The following UGT1A8 variants were observed in gnomAD, a reference collection of about 807,000 sequenced individuals.
The protein encoded by UGT1A8 is UDP-glucuronosyltransferase 1A8.
UGT1A8 carries 39 observed loss-of-function variants against 45.3 expected under a neutral mutation model. That is an observed-to-expected ratio of 0.86 (90% CI 0.67 to 1.12). UGT1A8 has a LOEUF of 1.12. Ranked by LOEUF, UGT1A8 falls within the 50% of genes most tolerant of loss-of-function variation. UGT1A8 has a pLI of 0.00. For synonymous variants in UGT1A8, 275 were observed against 249.2 expected (o/e 1.10, Z -0.97); for missense variants, 719 against 664.9 (o/e 1.08, Z -0.90).
intron 1 of UGT1A8, among the ~76,000 whole-genome samples, chr2:233,710,483 T>A (rs375891523): frequency 3.9e-5 from 6 of 152,358 alleles, no homozygotes; most frequent in South Asian, 4.1e-4. Flanking sequence ...AGAATTTCAT[T>A]GGGTTTGAAT....
chr2:233,622,992 C>A (rs1204886495), intron 1 of UGT1A8, among the ~76,000 whole-genome samples: 1 of 152,072 alleles, frequency 6.6e-6, no homozygotes, highest in Non-Finnish European at 1.5e-5. Flanking sequence ...AATATTTTCC[C>A]CATTTCTTGT....
intron 1 of UGT1A8, among the ~76,000 whole-genome samples, chr2:233,641,166 A>G (rs763525009): frequency 6.6e-6 from 1 of 152,072 alleles, no homozygotes; most frequent in East Asian, 1.9e-4. Flanking sequence ...CTTGCTGACT[A>G]TCTTGCAACA....
At chr2:233,718,834 T>A in intron 1 of UGT1A8, 1 of 1,613,600 alleles carries the variant, frequency 6.2e-7, no homozygotes, top group Non-Finnish European at 8.5e-7. Context: ...GCCAGAGGAC[T>A]CCAGGTTCCC....
chr2:233,696,498 G>A (rs1420763959), intron 1 of UGT1A8, among the ~76,000 whole-genome samples: 3 of 152,050 alleles, frequency 2.0e-5, no homozygotes, highest in Non-Finnish European at 4.4e-5. Context: ...TACCGAATTT[G>A]CTTGTCAGTT....
At chr2:233,630,872 C>T (rs569698887) in intron 1 of UGT1A8, among the ~76,000 whole-genome samples, 8 of 147,616 alleles carry the variant, frequency 5.4e-5, no homozygotes, top group African/African-American at 2.0e-4. Flanking sequence ...TTCTAGGATA[C>T]ATGTGCAGAA....
chr2:233,755,312 G>C (rs976147893), intron 1 of UGT1A8: 6 of 551,356 alleles, frequency 1.1e-5, no homozygotes, highest in Middle Eastern at 4.3e-4. Flanking sequence ...CACAGCGAGC[G>C]GCAAGGCTGC....
chr2:233,682,042 G>T, intron 1 of UGT1A8: 1 of 1,614,092 alleles, frequency 6.2e-7, no homozygotes. Flanking sequence ...CCATGGATGG[G>T]AGCCACTGGT....
At chr2:233,678,770 T>C (rs571167260) in intron 1 of UGT1A8, among the ~76,000 whole-genome samples, 1 of 152,318 alleles carries the variant, frequency 6.6e-6, no homozygotes, top group African/African-American at 2.4e-5. Flanking sequence ...GGTCATCTAT[T>C]GATTCCCTGA....
At chr2:233,737,942 T>G (rs866502344) in intron 1 of UGT1A8, among the ~76,000 whole-genome samples, 1 of 152,150 alleles carries the variant, frequency 6.6e-6, no homozygotes, top group Non-Finnish European at 1.5e-5. Flanking sequence ...GTCCATTGAC[T>G]GTTTCCCAAC....
intron 1 of UGT1A8, chr2:233,760,695 C>T: frequency 1.9e-6 from 3 of 1,614,208 alleles, no homozygotes; most frequent in Non-Finnish European, 2.5e-6. Context: ...ACAAGGAGCT[C>T]ATGGCCTCCC....
chr2:233,695,370 C>G (rs1420827088), intron 1 of UGT1A8, among the ~76,000 whole-genome samples: 2 of 151,814 alleles, frequency 1.3e-5, no homozygotes, highest in African/African-American at 4.8e-5. Flanking sequence ...GTGGTCCGCC[C>G]ACCCCAGCCT....
chr2:233,748,114 A>C (rs1473997500), intron 1 of UGT1A8: 1 of 1,611,788 alleles, frequency 6.2e-7, no homozygotes, highest in East Asian at 2.2e-5. Flanking sequence ...TCAATGTTCC[A>C]GGCAAAACAG....
intron 1 of UGT1A8, chr2:233,729,122 C>T (rs559883875): frequency 1.6e-5 from 26 of 1,613,092 alleles, no homozygotes; most frequent in Middle Eastern, 3.8e-4. Context: ...GTGTCTTCTG[C>T]TGAGATGGCC....
chr2:233,723,718 G>A (rs1250087108), intron 1 of UGT1A8, among the ~76,000 whole-genome samples: 1 of 83,498 alleles, frequency 1.2e-5, no homozygotes, highest in African/African-American at 6.1e-5. Context: ...TGAGATTAGG[G>A]ATTGGTGATG....
At chr2:233,717,440 C>T (rs1261238198) in intron 1 of UGT1A8, among the ~76,000 whole-genome samples, 1 of 152,238 alleles carries the variant, frequency 6.6e-6, no homozygotes, top group Non-Finnish European at 1.5e-5. Flanking sequence ...CTGATGGACG[C>T]ATCCATTCAC....
chr2:233,673,389 A>G (rs776636188), intron 1 of UGT1A8, among the ~76,000 whole-genome samples: 6 of 152,170 alleles, frequency 3.9e-5, no homozygotes, highest in Non-Finnish European at 7.4e-5. Flanking sequence ...ATATTGATAT[A>G]GATTTAGGCA....
intron 1 of UGT1A8, chr2:233,747,954 C>A: frequency 4.3e-6 from 7 of 1,613,446 alleles, no homozygotes; most frequent in Middle Eastern, 1.7e-4. Flanking sequence ...AGTGGTGGAT[C>A]TTCTCAGCCA....
intron 1 of UGT1A8, among the ~76,000 whole-genome samples, chr2:233,621,518 C>T (rs146927943): frequency 8.8e-4 from 134 of 152,246 alleles, no homozygotes; most frequent in Admixed American, 2.7e-3. Context: ...TCAAAGTTAG[C>T]TTTTGGTGGA....
rs539293656 is a variant in UGT1A8, at chr2:233,691,687, C to A, written c.855+73125C>A. 62 of 954,204 alleles carry A rather than the reference C, an allele frequency of 6.5e-5. No homozygotes were observed. In the East Asian group the frequency reaches 2.0e-3, roughly 31 times the overall value. The allele number at this position is 954,204 out of a possible 1,614,324, so 59.1% of individuals were successfully genotyped here. A position where few individuals can be genotyped will look rare whatever the true frequency, so the allele number is the denominator to read the frequency against. On this transcript the variant is annotated intron_variant, in intron 1 of 4. Coordinates refer to ENST00000373450, the MANE Select transcript of UGT1A8 (RefSeq NM_019076.5). ...TGGGCCTCAGTTGAGAAACCTGAAG[C>A]TCAGGAGAGGAGTCACTCCCCTGGC... is the stretch of plus-strand genomic sequence containing the variant.
Sources: gnomAD v4.1 joint callset for allele counts (sites outside exome capture counted in the v4.1 genomes callset) on GRCh38, gnomAD v4.1.1 for gene constraint, MANE v1.5 for transcripts, NCBI Gene and HGNC (gene_info 2026-07-23, HGNC 2026-07-21) for gene names.